ABI3BP: variants seen among roughly 807,000 people sequenced by gnomAD.
ABI3BP encodes target of Nesh-SH3.
Under a neutral mutation model 268.6 loss-of-function variants are expected in ABI3BP, and 216 were observed. That is an observed-to-expected ratio of 0.80 (90% CI 0.72 to 0.90). The LOEUF is 0.90. Among genes scored for constraint, ABI3BP ranks in the 40% least tolerant of loss-of-function variants. The pLI is 0.00. For synonymous variants in ABI3BP, 730 were observed against 730.0 expected (o/e 1.00, Z 0.00); for missense variants, 2,090 against 2,182.4 (o/e 0.96, Z 0.84).
chr3:100,778,387 G>A lies in ABI3BP; in HGVS notation c.4241-11C>T, dbSNP rs1345859314. 6.2e-7 allele frequency: 1 copy of A among 1,608,312 alleles called. No homozygotes were observed. The highest frequency in any genetic ancestry group is 1.1e-5 in the South Asian group (1 of 90,464). ...GTGGGCGGCGAGTCCCTGGGATTGT[G>A]GATAAGAGATTGTATTTTAGATAAA... On this transcript the variant is annotated splice_polypyrimidine_tract_variant and intron_variant, in intron 58 of 67. Coordinates refer to ENST00000471714, the MANE Select transcript of ABI3BP (RefSeq NM_001375547.2).
chr3:100,953,814 A>C (rs2075939303), intron 1 of ABI3BP, among the ~76,000 whole-genome samples: 1 of 152,198 alleles, frequency 6.6e-6, no homozygotes, highest in African/African-American at 2.4e-5. Context: ...CCAGGTAAAA[A>C]ATAGTAGTAG....
chr3:100,817,797 TG>T (rs2098103126), intron 41 of ABI3BP, among the ~76,000 whole-genome samples: 2 of 152,224 alleles, frequency 1.3e-5, no homozygotes, highest in Non-Finnish European at 2.9e-5. Flanking sequence ...CTTTTCTAAC[TG>T]TATTGAAAAA....
chr3:100,926,184 A>G, intron 2 of ABI3BP, 118 bp downstream of exon 2: 1 of 1,029,866 alleles, frequency 9.7e-7, no homozygotes, highest in Non-Finnish European at 1.4e-6. Context: ...TAATTCTACC[A>G]TTTGATTAAG....
chr3:100,894,492 A>C (rs1582313009), intron 4 of ABI3BP, among the ~76,000 whole-genome samples: 1 of 152,094 alleles, frequency 6.6e-6, no homozygotes, highest in Admixed American at 6.5e-5. Flanking sequence ...TAAAACTTAC[A>C]CGGCAAGACA....
intron 1 of ABI3BP, chr3:100,945,790 T>C: frequency 3.6e-6 from 1 of 278,418 alleles, no homozygotes; most frequent in Non-Finnish European, 7.1e-6. Context: ...AAATTTCATG[T>C]ACAAGTCTTT....
Position 100,823,453 on chromosome 3 carries a change from G to A in ABI3BP, c.2803+5C>T, listed in dbSNP as rs551190730. The A allele has an allele frequency of 2.6e-4, 403 of 1,531,874 alleles. No homozygotes were observed. The highest frequency in any genetic ancestry group is 3.3e-4 in the Non-Finnish European group (383 of 1,144,690). The allele number at this position is 1,531,874 out of a possible 1,614,324, so 94.9% of individuals were successfully genotyped here. A position where few individuals can be genotyped will look rare whatever the true frequency, so the allele number is the denominator to read the frequency against. On this transcript the variant is annotated splice_donor_5th_base_variant and intron_variant, in intron 37 of 67. Transcript: ENST00000471714. ...AGCTTGTCGAAAACACTGTATCAACGTTACCTAATGTTGTTGAGGCCTCAG... is the reference window on the plus strand; with the variant it reads ...AGCTTGTCGAAAACACTGTATCAACATTACCTAATGTTGTTGAGGCCTCAG...
intron 4 of ABI3BP, among the ~76,000 whole-genome samples, chr3:100,894,740 A>T (rs189149073): frequency 6.6e-6 from 1 of 151,764 alleles, no homozygotes; most frequent in Non-Finnish European, 1.5e-5. Flanking sequence ...GAGATCAAGA[A>T]CATCCTGGCT....
chr3:100,912,157 AC>A, intron 2 of ABI3BP: 1 of 437,966 alleles, frequency 2.3e-6, no homozygotes, highest in Admixed American at 3.8e-5. Context: ...AAGCCCAAGA[AC>A]ACCTGCTCTT....
chr3:100,767,087 C>T lies in ABI3BP; in HGVS notation c.4742-1138G>A, dbSNP rs574091198. On this transcript the variant is annotated intron_variant, in intron 62 of 67. Coordinates refer to ENST00000471714, the MANE Select transcript of ABI3BP (RefSeq NM_001375547.2). Reference sequence around the variant, plus strand: ...ATGCTATCCTCCCACCTCAGCCTCCCGAGTAGCGCACCACCACACCCAGCT... The same window carrying T: ...ATGCTATCCTCCCACCTCAGCCTCCTGAGTAGCGCACCACCACACCCAGCT... Among the ~76,000 whole-genome samples the T allele has an allele frequency of 4.6e-5, 7 of 152,246 alleles. No individual in the cohort carries two copies. In the South Asian group the frequency reaches 8.3e-4, roughly 18 times the overall value.
chr3:100,881,355 T>C (rs548738103), intron 6 of ABI3BP, among the ~76,000 whole-genome samples: 5 of 152,266 alleles, frequency 3.3e-5, no homozygotes, highest in South Asian at 2.1e-4. Context: ...TTTTTGATGA[T>C]AGTAACTGTG....
intron 1 of ABI3BP, among the ~76,000 whole-genome samples, chr3:100,972,157 C>A (rs1202840983): frequency 2.0e-5 from 3 of 152,124 alleles, no homozygotes; most frequent in African/African-American, 7.2e-5. Flanking sequence ...GCCATTAAAA[C>A]AACATCTGCA....
At chr3:100,795,369 C>T (rs983465655) in intron 53 of ABI3BP, among the ~76,000 whole-genome samples, 3 of 152,046 alleles carry the variant, frequency 2.0e-5, no homozygotes, top group Non-Finnish European at 4.4e-5. Context: ...TTGGTATCAT[C>T]TCCTTGAGTC....
chr3:100,960,133 T>A (rs765812679), intron 1 of ABI3BP, among the ~76,000 whole-genome samples: 1 of 152,148 alleles, frequency 6.6e-6, no homozygotes, highest in African/African-American at 2.4e-5. Flanking sequence ...GTAGACAGTA[T>A]GTATAATCAG....
Position 100,886,189 on chromosome 3 carries a change from T to A in ABI3BP, c.596A>T (p.Glu199Val). The A allele has an allele frequency of 1.2e-6, 2 of 1,605,364 alleles. No homozygotes were observed. Among genetic ancestry groups the A allele is most frequent in the Non-Finnish European group, 1.7e-6 (2 of 1,175,696 alleles). Reference sequence around the variant, plus strand: ...GAAAATCTTACTCCAAATTCCACCTTCCACATTGTCTTTCACTCCAAATTC... The same window carrying A: ...GAAAATCTTACTCCAAATTCCACCTACCACATTGTCTTTCACTCCAAATTC... ...VYEFGVKDNV[E>V]GGIWSKIFNH... The change falls in exon 5 of 68, where the codon GAA (glutamate) becomes GTA (valine). Residue 199 changes from glutamate to valine, a missense_variant. Transcript: ENST00000471714.
chr3:100,926,394 A>G lies in ABI3BP; in HGVS notation c.167T>C (p.Leu56Pro), dbSNP rs1409983419. ...GCCATATCCCAGGAGAAGACCTTCA[A>G]GCTTTACATTTGGACTTGGACGCAA... ...KFLRPSPNVK[L>P]EGLLLGYGSN... The change falls in exon 2 of 68, where the codon CTT becomes CCT. Residue 56 changes from leucine (L) to proline (P), a missense_variant. Transcript: ENST00000471714. 6.2e-7 allele frequency: 1 copy of G among 1,613,528 alleles called. No homozygotes were observed. Among genetic ancestry groups the G allele is most frequent in the Non-Finnish European group, 8.5e-7 (1 of 1,179,592 alleles).
chr3:100,886,134 GTACT>G lies in ABI3BP; in HGVS notation c.643+4_643+7del. 1 of 1,560,682 alleles carries G rather than the reference GTACT, an allele frequency of 6.4e-7. No homozygotes were observed. The highest frequency in any genetic ancestry group is 2.0e-5 in the Admixed American group (1 of 50,410). On this transcript the variant is annotated splice_donor_5th_base_variant and intron_variant, in intron 5 of 67. Coordinates refer to ENST00000471714, the MANE Select transcript of ABI3BP (RefSeq NM_001375547.2). ...AGCTTACTGAAACAAACATTTCTAG[GTACT>G]TACTTCCAACAACAGTCTTGTGATT...
At chr3:100,763,702 T>C (rs953732379) in intron 63 of ABI3BP, among the ~76,000 whole-genome samples, 5 of 152,174 alleles carry the variant, frequency 3.3e-5, no homozygotes, top group African/African-American at 1.2e-4. Flanking sequence ...AGAAGCTACA[T>C]GTGAGCCCCA....
intron 1 of ABI3BP, among the ~76,000 whole-genome samples, chr3:100,941,554 A>T (rs950468357): frequency 1.3e-5 from 2 of 152,146 alleles, no homozygotes; most frequent in African/African-American, 4.8e-5. Flanking sequence ...TGCACAAATG[A>T]GTTCCAATTC....
In ABI3BP at chr3:100,843,598, TGGA is replaced by T. The variant is rs1271105082; in HGVS notation, c.1724-1562_1724-1560del. 13 of 953,196 alleles carry T rather than the reference TGGA, an allele frequency of 1.4e-5. No homozygotes were observed. In the East Asian group the frequency reaches 5.3e-4, roughly 39 times the overall value. 59.0% of individuals were successfully genotyped at this position (953,196 alleles called of 1,614,324 possible). A position where few individuals can be genotyped will look rare whatever the true frequency, so the allele number is the denominator to read the frequency against. On this transcript the variant is annotated intron_variant, in intron 20 of 67. Coordinates refer to ENST00000471714, the MANE Select transcript of ABI3BP (RefSeq NM_001375547.2). ...GGGAGAAGAAAGAGTGTCTGGGAGA[TGGA>T]GAGAGAGAGGAGAGTATGCATGTGA...
Sources: allele counts gnomAD v4.1 joint callset (sites outside exome capture counted in the v4.1 genomes callset), GRCh38; gene constraint gnomAD v4.1.1; transcripts MANE v1.5; gene names NCBI Gene and HGNC (gene_info 2026-07-23, HGNC 2026-07-21).